Variants in ANKRD36B observed in about 807,000 individuals in gnomAD.
ANKRD36B encodes ankyrin repeat domain-containing protein 36B.
In ANKRD36B, 37 loss-of-function variants were observed where a neutral mutation model predicts 135.7. The ratio of observed to expected loss-of-function variants is 0.27; its 90% CI spans 0.21 to 0.36. ANKRD36B has a LOEUF of 0.36. ANKRD36B is among the 10% of genes least tolerant of loss of function. The pLI is 1.00. For missense variants in ANKRD36B, 549 were observed against 1,037.1 expected, an observed-to-expected ratio of 0.53 and a Z score of 6.46; for synonymous variants, 179 against 348.1, an observed-to-expected ratio of 0.51 and a Z score of 5.41.
chr2:97,547,054 CT>C, intron 22 of ANKRD36B, among the ~76,000 whole-genome samples: 1 of 151,672 alleles, frequency 6.6e-6, no homozygotes, highest in Admixed American at 6.6e-5. Context: ...AAGAATTCCT[CT>C]TTTTCAGCCT....
chr2:97,549,458 T>G lies in ANKRD36B; in HGVS notation c.1438A>C (p.Ile480Leu), dbSNP rs761195894. 1 of 1,587,892 alleles carries G rather than the reference T, an allele frequency of 6.3e-7. No homozygotes were observed. The highest frequency in any genetic ancestry group is 8.6e-7 in the Non-Finnish European group (1 of 1,166,804). ...TSVKEDSVLN[I>L]AREKKDGEKS... Reference sequence around the variant, plus strand: ...TCTCCATCCTTTTTTTCTCTGGCTATATTCAAAACAGAATCTTCCTTGACA... The same window carrying G: ...TCTCCATCCTTTTTTTCTCTGGCTAGATTCAAAACAGAATCTTCCTTGACA... The change falls in exon 20 of 44, where the codon ATA becomes CTA. Residue 480 changes from isoleucine (I) to leucine (L), a missense_variant. By Grantham distance (5) the Ile-to-Leu change is conservative. Transcript: ENST00000359901.
At position 97,531,619 on chromosome 2, in the gene ANKRD36B, A is replaced by G. The variant is rs1320481875; in HGVS notation, c.2265+692T>C. Among the ~76,000 whole-genome samples the G allele has an allele frequency of 4.1e-5, 4 of 96,498 alleles. 1 individual carries two copies. Among genetic ancestry groups the G allele is most frequent in the African/African-American group, 1.2e-4 (4 of 32,188 alleles). 63.3% of individuals were successfully genotyped at this position (96,498 alleles called of 152,430 possible). A position where few individuals can be genotyped will look rare whatever the true frequency, so the allele number is the denominator to read the frequency against. ...TTTAATGCAAATTACATATTGTAAT[A>G]TGATTGACAGTGTTATATATTTATA... On this transcript the variant is annotated intron_variant, in intron 35 of 43. Coordinates refer to ENST00000359901, the MANE Select transcript of ANKRD36B (RefSeq NM_001393939.1).
chr2:97,548,056 A>T (rs534549646), intron 20 of ANKRD36B, among the ~76,000 whole-genome samples: 8,979 of 151,244 alleles, frequency 0.059, 361 homozygotes, highest in Middle Eastern at 0.16. Flanking sequence ...AAACTCATAC[A>T]CCTGAGAATC....
In ANKRD36B at chr2:97,549,441, C is replaced by G; in HGVS notation, c.1455G>C (p.Lys485Asn). 6.3e-7 allele frequency: 1 copy of G among 1,577,546 alleles called. No homozygotes were observed. The highest frequency in any genetic ancestry group is 8.6e-7 in the Non-Finnish European group (1 of 1,161,568). The change falls in exon 20 of 44, where the codon AAG becomes AAC. Residue 485 changes from lysine to asparagine, a missense_variant. Physicochemically the swap from Lys to Asn is moderately conservative, Grantham distance 94 (BLOSUM62 0). Transcript: ENST00000359901. ...TACCTGTCCTAGATTTTTCTCCATC[C>G]TTTTTTTCTCTGGCTATATTCAAAA... ...DSVLNIAREK[K>N]DGEKSRTVSF...
intron 6 of ANKRD36B, among the ~76,000 whole-genome samples, chr2:97,575,423 C>T (rs1392236534): frequency 6.6e-6 from 1 of 152,014 alleles, no homozygotes; most frequent in African/African-American, 2.4e-5. Flanking sequence ...TGAACACGTC[C>T]TACTCCTTTC....
intron 4 of ANKRD36B, among the ~76,000 whole-genome samples, chr2:97,580,138 C>T (rs1380556631): frequency 2.6e-5 from 4 of 152,350 alleles, no homozygotes; most frequent in Non-Finnish European, 5.9e-5. Context: ...AAAAGCATCA[C>T]ATTATTACAT....
rs553051463 is a variant in ANKRD36B, at chr2:97,577,687, C to T, written c.695+1219G>A. On this transcript the variant is annotated intron_variant, in intron 5 of 43. Coordinates refer to ENST00000359901, the MANE Select transcript of ANKRD36B (RefSeq NM_001393939.1). ...TGAGGGTTAGCTCTGTTAAATCTAA[C>T]TAACAAACTTGAGACTCAGATAATT... 8.8e-5 allele frequency among the ~76,000 whole-genome samples: 13 copies of T among 147,130 alleles called. No homozygotes were observed. The South Asian group carries it at 2.3e-3, about 26-fold the overall frequency.
intron 21 of ANKRD36B, 22 bp downstream of exon 21, chr2:97,547,681 A>G (rs1482480410): frequency 9.0e-6 from 14 of 1,557,072 alleles, no homozygotes; most frequent in African/African-American, 1.4e-5. Flanking sequence ...CTAGTTCACA[A>G]TATAAATGAC....
chr2:97,514,041 G>A (rs1402201499), intron 37 of ANKRD36B, among the ~76,000 whole-genome samples: 1 of 134,026 alleles, frequency 7.5e-6, no homozygotes, highest in Non-Finnish European at 1.5e-5. Flanking sequence ...ACCACTTCGG[G>A]CACATGTTCT....
chr2:97,570,524 T>C (rs2104874507), intron 6 of ANKRD36B, among the ~76,000 whole-genome samples: 1 of 152,334 alleles, frequency 6.6e-6, no homozygotes, highest in African/African-American at 2.4e-5. Context: ...AATTTTTGTA[T>C]ATGTGTGAGA....
At position 97,515,021 on chromosome 2, in the gene ANKRD36B, A is replaced by G. The variant is rs1240889528; in HGVS notation, c.2621+711T>C. Among the ~76,000 whole-genome samples the G allele has an allele frequency of 3.8e-5, 3 of 78,404 alleles. 1 individual carries two copies. Among genetic ancestry groups the G allele is most frequent in the Non-Finnish European group, 9.8e-5 (3 of 30,750 alleles). The allele number at this position is 78,404 out of a possible 152,430, so 51.4% of individuals were successfully genotyped here. On this transcript the variant is annotated intron_variant, in intron 37 of 43. Coordinates refer to ENST00000359901, the MANE Select transcript of ANKRD36B (RefSeq NM_001393939.1). ...CAGTTTCATGTGATTCTCCTGCCTC[A>G]GCCTCCTGCGTAGCTGGGATTACAG...
chr2:97,558,336 T>C (rs7565052), intron 10 of ANKRD36B, among the ~76,000 whole-genome samples: 8,338 of 152,060 alleles, frequency 0.055, 766 homozygotes, highest in African/African-American at 0.19. Context: ...TTTCCCTCCT[T>C]CCTGCCTGAT....
At chr2:97,525,061 T>C (rs2078121114) in intron 35 of ANKRD36B, 1 of 97,618 alleles carries the variant, frequency 1.0e-5, no homozygotes, top group African/African-American at 3.1e-5. Context: ...AAGTTTAATA[T>C]CAAACTTCTT....
chr2:97,511,036 C>CT (rs1192520877), intron 39 of ANKRD36B, 102 bp downstream of exon 39: 1 of 405,698 alleles, frequency 2.5e-6, no homozygotes, highest in Non-Finnish European at 4.6e-6. Context: ...CATATGTATC[C>CT]TTTTTTATAT....
chr2:97,565,900 T>TAC (rs1228890043), intron 6 of ANKRD36B, among the ~76,000 whole-genome samples: 1 of 151,780 alleles, frequency 6.6e-6, no homozygotes, highest in African/African-American at 2.4e-5. Flanking sequence ...TATATATATA[T>TAC]ATGTACAGTG....
chr2:97,589,711 T>C lies in ANKRD36B; in HGVS notation c.-26A>G, dbSNP rs751780318. The C allele has an allele frequency of 4.8e-4, 776 of 1,611,956 alleles. 3 individuals are homozygous for C. In the East Asian group the frequency reaches 7.1e-3, roughly 15 times the overall value. On this transcript the variant is annotated 5_prime_UTR_variant, in exon 1 of 44. Transcript: ENST00000359901. ...GAGGGTGGGCCACCTCTCCCGCTCG[T>C]CGTCTTCCTTAATCGTCGGCTGCAA...
intron 6 of ANKRD36B, among the ~76,000 whole-genome samples, chr2:97,572,183 G>A (rs13027550): frequency 0.48 from 72,729 of 151,718 alleles, 20,992 homozygotes; most frequent in Non-Finnish European, 0.65. Context: ...TTAGGAGGCC[G>A]AGGTAGGAGG....
At chr2:97,578,069 G>A (rs2082340534) in intron 5 of ANKRD36B, among the ~76,000 whole-genome samples, 1 of 152,078 alleles carries the variant, frequency 6.6e-6, no homozygotes, top group African/African-American at 2.4e-5. Context: ...CACCATGAAG[G>A]TCTAGAAGCC....
intron 6 of ANKRD36B, among the ~76,000 whole-genome samples, chr2:97,576,173 T>C (rs1026253915): frequency 8.6e-5 from 13 of 151,032 alleles, no homozygotes; most frequent in Non-Finnish European, 1.5e-4. Flanking sequence ...GATAATTAAA[T>C]AATAATTTTT....
Sources: gnomAD v4.1 joint callset for allele counts (sites outside exome capture counted in the v4.1 genomes callset) on GRCh38, gnomAD v4.1.1 for gene constraint, MANE v1.5 for transcripts, NCBI Gene and HGNC (gene_info 2026-07-23, HGNC 2026-07-21) for gene names.